Variants in HACE1 observed in about 807,000 individuals in gnomAD.
HACE1 encodes E3 ubiquitin-protein ligase HACE1.
HACE1 carries 73 observed loss-of-function variants against 118.4 expected under a neutral mutation model. The ratio of observed to expected loss-of-function variants is 0.62; its 90% CI spans 0.51 to 0.75. The LOEUF (loss-of-function observed/expected upper bound fraction) is 0.75. Ranked by LOEUF, HACE1 falls within the 30% of genes least tolerant of loss-of-function variation. HACE1 has a pLI of 0.00. For missense variants in HACE1, 749 were observed against 1,102.2 expected, an observed-to-expected ratio of 0.68 and a Z score of 4.54; for synonymous variants, 368 against 374.8, an observed-to-expected ratio of 0.98 and a Z score of 0.21.
At position 104,777,330 on chromosome 6, in the gene HACE1, A is replaced by G; in HGVS notation, c.1567-13T>C. 6.6e-7 allele frequency: 1 copy of G among 1,508,552 alleles called. No individual in the cohort carries two copies. The highest frequency in any genetic ancestry group is 9.2e-7 in the Non-Finnish European group (1 of 1,083,538). 93.4% of individuals were successfully genotyped at this position (1,508,552 alleles called of 1,614,324 possible). ...GATCTTTAAAAGGCTAGCTCAAAAA[A>G]TAAGAGTAAAATATGTTAGCAGTGT... On this transcript the variant is annotated splice_polypyrimidine_tract_variant and intron_variant, in intron 14 of 23. Coordinates refer to ENST00000262903, the MANE Select transcript of HACE1 (RefSeq NM_020771.4).
intron 17 of HACE1, among the ~76,000 whole-genome samples, chr6:104,774,672 C>A (rs1330788017): frequency 1.3e-5 from 2 of 152,174 alleles, no homozygotes; most frequent in Non-Finnish European, 2.9e-5. Context: ...GCATGAGCCA[C>A]CGCGCCCAAG....
intron 6 of HACE1, among the ~76,000 whole-genome samples, chr6:104,823,349 G>T (rs898733811): frequency 6.6e-6 from 1 of 151,654 alleles, no homozygotes; most frequent in South Asian, 2.1e-4. Flanking sequence ...CAGGAGAATC[G>T]CTTGAACCTG....
At chr6:104,746,507 T>C (rs761224057) in intron 20 of HACE1, among the ~76,000 whole-genome samples, 5 of 152,230 alleles carry the variant, frequency 3.3e-5, no homozygotes, top group South Asian at 2.1e-4. Flanking sequence ...GCTCCCCCAC[T>C]GCTTCAGCAT....
intron 19 of HACE1, among the ~76,000 whole-genome samples, chr6:104,766,509 G>T (rs1338916115): frequency 6.6e-6 from 1 of 152,128 alleles, no homozygotes; most frequent in Non-Finnish European, 1.5e-5. Flanking sequence ...ATAATCTATG[G>T]ATAAAAGTCT....
intron 19 of HACE1, among the ~76,000 whole-genome samples, chr6:104,756,237 G>A (rs76851936): frequency 0.032 from 4,780 of 151,366 alleles, 241 homozygotes; most frequent in African/African-American, 0.11. Context: ...ATGGTGAAAC[G>A]TCATCTTTAC....
chr6:104,828,338 A>C (rs1773533494), intron 6 of HACE1, among the ~76,000 whole-genome samples: 1 of 152,062 alleles, frequency 6.6e-6, no homozygotes. Context: ...AATAACAATC[A>C]TAATAGCAGT....
At chr6:104,835,340 C>A (rs1369962174) in intron 5 of HACE1, among the ~76,000 whole-genome samples, 1 of 151,966 alleles carries the variant, frequency 6.6e-6, no homozygotes, top group Non-Finnish European at 1.5e-5. Flanking sequence ...GAAAAAGGAA[C>A]CATGAATATT....
At position 104,791,715 on chromosome 6, in the gene HACE1, T is replaced by C. The variant is rs1346713806; in HGVS notation, c.924-61A>G. The C allele has an allele frequency of 5.6e-6, 6 of 1,080,158 alleles. No individual in the cohort carries two copies. The Admixed American group carries it at 7.2e-5, about 13-fold the overall frequency. The allele number at this position is 1,080,158 out of a possible 1,614,324, so 66.9% of individuals were successfully genotyped here. ...AACAAATTACATATTAAAATACTTA[T>C]TTTAAAACATTTTCATCCCACTGAC... On this transcript the variant is annotated intron_variant, in intron 10 of 23. Transcript: ENST00000262903.
At chr6:104,762,069 G>A (rs1280900786) in intron 19 of HACE1, among the ~76,000 whole-genome samples, 1 of 152,156 alleles carries the variant, frequency 6.6e-6, no homozygotes, top group African/African-American at 2.4e-5. Context: ...GAGAGGTTGT[G>A]GAGAAAGAGG....
intron 19 of HACE1, among the ~76,000 whole-genome samples, chr6:104,761,636 G>A (rs1779365169): frequency 6.6e-6 from 1 of 152,062 alleles, no homozygotes; most frequent in Non-Finnish European, 1.5e-5. Flanking sequence ...ACATAGGCAT[G>A]GGCAAAGACT....
chr6:104,739,837 T>A lies in HACE1; in HGVS notation c.2513+4323A>T, dbSNP rs1261716785. 1.4e-4 allele frequency among the ~76,000 whole-genome samples: 21 copies of A among 151,752 alleles called. No homozygotes were observed. The East Asian group carries it at 4.1e-3, about 29-fold the overall frequency. On this transcript the variant is annotated intron_variant, in intron 22 of 23. Coordinates refer to ENST00000262903, the MANE Select transcript of HACE1 (RefSeq NM_020771.4). ...CGGACCTAATAGACATCTACAGAAC[T>A]CTCCACCCCAAATCAACAGAATATA...
intron 19 of HACE1, among the ~76,000 whole-genome samples, chr6:104,759,857 T>G (rs1026721179): frequency 6.6e-6 from 1 of 151,972 alleles, no homozygotes; most frequent in Admixed American, 6.6e-5. Flanking sequence ...AATAAAATTA[T>G]AAAGGGGATA....
chr6:104,792,360 T>G (rs1281073609), intron 10 of HACE1, among the ~76,000 whole-genome samples: 1 of 152,178 alleles, frequency 6.6e-6, no homozygotes, highest in Non-Finnish European at 1.5e-5. Context: ...AGAAAGCCCT[T>G]CAGAATCCCA....
chr6:104,818,276 C>G (rs1054387376), intron 6 of HACE1, among the ~76,000 whole-genome samples: 6 of 152,102 alleles, frequency 3.9e-5, no homozygotes, highest in Non-Finnish European at 8.8e-5. Context: ...ACTACGTGGG[C>G]CTTCTAATCA....
chr6:104,786,004 T>A (rs1415098114), intron 11 of HACE1: 1 of 152,150 alleles, frequency 6.6e-6, no homozygotes, highest in African/African-American at 2.4e-5. Context: ...AGTGTTTTTT[T>A]AAAACAAGAG....
In HACE1 at chr6:104,843,263, C is replaced by T. The variant is rs1171475688; in HGVS notation, c.362G>A (p.Ser121Asn). 2 of 1,547,070 alleles carry T rather than the reference C, an allele frequency of 1.3e-6. No homozygotes were observed. Among genetic ancestry groups the T allele is most frequent in the African/African-American group, 2.7e-5 (2 of 73,666 alleles). Residue 121 changes from serine (S) to asparagine (N), a missense_variant, in exon 5 of 24, where the codon AGC (serine) becomes AAC (asparagine). Physicochemically the swap from Ser to Asn is conservative, Grantham distance 46 (BLOSUM62 1). Transcript: ENST00000262903. The stretch of plus-strand genomic sequence containing the variant: ...ATTATTACAAATGTTGACATCAGCG[C>T]TATATTCTAATAATTTACTCATACA... Reference protein sequence around the residue: ...KKCMSKLLEYSADVNICNNEG... With the variant: ...KKCMSKLLEYNADVNICNNEG...
intron 7 of HACE1, among the ~76,000 whole-genome samples, chr6:104,799,560 T>G (rs547997126): frequency 6.6e-6 from 1 of 152,310 alleles, no homozygotes; most frequent in South Asian, 2.1e-4. Context: ...TCACCCAATT[T>G]TTCAGATGAG....
intron 3 of HACE1, 122 bp from the exon 4 acceptor site, chr6:104,849,368 GCTCTGTCGCCCATGCT>G: frequency 1.4e-6 from 1 of 727,162 alleles, no homozygotes; most frequent in South Asian, 1.5e-5. Context: ...AGACAGTCTT[GCTCTGTCGCCCATGCT>G]GGAGTGCAGT....
At chr6:104,736,626 G>C (rs1476471078) in intron 22 of HACE1, among the ~76,000 whole-genome samples, 1 of 152,114 alleles carries the variant, frequency 6.6e-6, no homozygotes, top group African/African-American at 2.4e-5. Flanking sequence ...AGTGGGAAGG[G>C]TGGTAAGTTA....
Sources: gnomAD v4.1 joint callset for allele counts (sites outside exome capture counted in the v4.1 genomes callset) on GRCh38, gnomAD v4.1.1 for gene constraint, MANE v1.5 for transcripts, NCBI Gene and HGNC (gene_info 2026-07-23, HGNC 2026-07-21) for gene names.